ARHGAP24: variants seen among roughly 807,000 people sequenced by gnomAD.
ARHGAP24 encodes the protein rho GTPase-activating protein 24.
In ARHGAP24, 50 loss-of-function variants were observed where a neutral mutation model predicts 76.4. The observed-to-expected ratio is 0.65, with a 90% CI of 0.52 to 0.83. The LOEUF (loss-of-function observed/expected upper bound fraction) is 0.83, where lower values mean the gene tolerates loss of function less well. ARHGAP24 is among the 40% of genes least tolerant of loss of function. The pLI is 0.00. For missense variants in ARHGAP24, 930 were observed against 914.2 expected, an observed-to-expected ratio of 1.02 and a Z score of -0.22; for synonymous variants, 345 against 323.3, an observed-to-expected ratio of 1.07 and a Z score of -0.72.
chr4:86,000,257 G>A (rs1740932209), intron 9 of ARHGAP24: 1 of 429,562 alleles, frequency 2.3e-6, no homozygotes, highest in Non-Finnish European at 4.3e-6. Context: ...GAGAGGCCTT[G>A]GGACCTAATG....
At chr4:85,951,422 T>A (rs72660138) in intron 5 of ARHGAP24, among the ~76,000 whole-genome samples, 1,634 of 152,238 alleles carry the variant, frequency 0.011, 8 homozygotes, top group Non-Finnish European at 0.016. Flanking sequence ...CATTGGGATG[T>A]GGAGACAAAC....
intron 2 of ARHGAP24, among the ~76,000 whole-genome samples, chr4:85,719,143 A>G (rs977736964): frequency 6.6e-6 from 1 of 152,216 alleles, no homozygotes; most frequent in Admixed American, 6.6e-5. Flanking sequence ...AATTATTTTT[A>G]CCACATTATG....
chr4:85,783,111 G>A (rs989559400), intron 3 of ARHGAP24, among the ~76,000 whole-genome samples: 2 of 152,062 alleles, frequency 1.3e-5, no homozygotes, highest in Admixed American at 6.6e-5. Context: ...AAAAAGCATC[G>A]GGTATCTACA....
In ARHGAP24 at chr4:85,904,295, A is replaced by AAG. The variant is rs140388595; in HGVS notation, c.269-19338_269-19337dup. On this transcript the variant is annotated intron_variant, in intron 3 of 9. Transcript: ENST00000395184. ...CAGTTCACATGGTGAAAGCAGGAGC[A>AAG]AGAGAGAGAGAGAGAGTGGGGGATG... Among the ~76,000 whole-genome samples, 4 of 150,548 alleles carry AAG rather than the reference A, an allele frequency of 2.7e-5. No individual in the cohort carries two copies. In the South Asian group the frequency reaches 6.3e-4, roughly 24 times the overall value.
At chr4:85,778,775 C>T (rs936495734) in intron 3 of ARHGAP24, 2 of 985,116 alleles carry the variant, frequency 2.0e-6, no homozygotes, top group Non-Finnish European at 2.4e-6. Flanking sequence ...AGTTTATATC[C>T]CCTTCTACAA....
chr4:85,639,281 AT>A (rs1414541048), intron 2 of ARHGAP24, among the ~76,000 whole-genome samples: 2 of 152,086 alleles, frequency 1.3e-5, no homozygotes, highest in African/African-American at 4.8e-5. Flanking sequence ...ACTTCAGTAA[AT>A]TTTTTGTATT....
At chr4:85,647,427 C>T (rs1721765229) in intron 2 of ARHGAP24, among the ~76,000 whole-genome samples, 1 of 152,014 alleles carries the variant, frequency 6.6e-6, no homozygotes. Flanking sequence ...TGATCTACCT[C>T]CATGGTCACC....
intron 1 of ARHGAP24, among the ~76,000 whole-genome samples, chr4:85,528,389 T>A (rs1309680827): frequency 1.3e-5 from 2 of 152,086 alleles, no homozygotes; most frequent in East Asian, 3.9e-4. Flanking sequence ...CCACTGGAGT[T>A]TTTTAAGGAG....
chr4:85,477,819 G>A (rs1444192080), intron 1 of ARHGAP24, among the ~76,000 whole-genome samples: 2 of 152,184 alleles, frequency 1.3e-5, no homozygotes, highest in African/African-American at 4.8e-5. Flanking sequence ...GAAAGCAAGC[G>A]GTGCTACTGT....
intron 3 of ARHGAP24, among the ~76,000 whole-genome samples, chr4:85,913,438 T>A (rs1735196445): frequency 6.6e-6 from 1 of 152,046 alleles, no homozygotes; most frequent in African/African-American, 2.4e-5. Context: ...TTTGACTTGA[T>A]GATCTCCATT....
rs912226976 is a variant in ARHGAP24 at position 85,721,830 on chromosome 4, A to T, written c.181-55A>T. ...TGGATATTCACTGATTATAATGATG[A>T]TATATGATGTTTGCTCTCTGATGAT... On this transcript the variant is annotated intron_variant, in intron 2 of 9. Transcript: ENST00000395184. 2.1e-6 allele frequency: 3 copies of T among 1,417,004 alleles called. No individual in the cohort carries two copies. The African/African-American group carries it at 4.2e-5, about 20-fold the overall frequency. The allele number at this position is 1,417,004 out of a possible 1,614,324, so 87.8% of individuals were successfully genotyped here. A position where few individuals can be genotyped will look rare whatever the true frequency, so the allele number is the denominator to read the frequency against.
At chr4:85,872,406 C>T (rs1025695389) in intron 3 of ARHGAP24, among the ~76,000 whole-genome samples, 155 of 151,610 alleles carry the variant, frequency 1.0e-3, no homozygotes, top group African/African-American at 3.7e-3. Context: ...AAGCAATTCT[C>T]CTGCCTCAGC....
intron 3 of ARHGAP24, among the ~76,000 whole-genome samples, chr4:85,780,450 A>G (rs13120199): frequency 0.95 from 145,241 of 152,186 alleles, 69,668 homozygotes; most frequent in East Asian, 1. Flanking sequence ...GGGATTACAA[A>G]CGTGAGCCAC....
chr4:85,627,739 G>T (rs1324288546), intron 2 of ARHGAP24, among the ~76,000 whole-genome samples: 1 of 152,202 alleles, frequency 6.6e-6, no homozygotes, highest in Non-Finnish European at 1.5e-5. Flanking sequence ...TTCCCCGGCT[G>T]CTCTGTTTAC....
intron 2 of ARHGAP24, among the ~76,000 whole-genome samples, chr4:85,661,678 C>G (rs190721156): frequency 6.6e-6 from 1 of 151,978 alleles, no homozygotes; most frequent in Non-Finnish European, 1.5e-5. Context: ...TTCCCCCACC[C>G]CACAACAGTC....
At chr4:85,793,330 G>A (rs772489230) in intron 3 of ARHGAP24, among the ~76,000 whole-genome samples, 2 of 152,116 alleles carry the variant, frequency 1.3e-5, no homozygotes, top group Non-Finnish European at 2.9e-5. Flanking sequence ...ACAAAGTTAA[G>A]CATGTCTTTT....
intron 1 of ARHGAP24, among the ~76,000 whole-genome samples, chr4:85,478,505 G>T (rs1049241749): frequency 6.6e-6 from 1 of 152,158 alleles, no homozygotes; most frequent in East Asian, 1.9e-4. Context: ...GTACATTTGT[G>T]CAAAAAAGCA....
At chr4:85,566,307 G>A (rs571775409) in intron 1 of ARHGAP24, among the ~76,000 whole-genome samples, 20 of 152,178 alleles carry the variant, frequency 1.3e-4, no homozygotes, top group Non-Finnish European at 2.5e-4. Flanking sequence ...CATTCTCTGA[G>A]AATTTGAGTG....
At chr4:85,797,518 A>G (rs752219369) in intron 3 of ARHGAP24, among the ~76,000 whole-genome samples, 2 of 152,230 alleles carry the variant, frequency 1.3e-5, no homozygotes, top group Non-Finnish European at 2.9e-5. Flanking sequence ...TTCACAGAGC[A>G]GGCAAAAGGA....
Sources: gnomAD v4.1 joint callset for allele counts (sites outside exome capture counted in the v4.1 genomes callset) on GRCh38, gnomAD v4.1.1 for gene constraint, MANE v1.5 for transcripts, NCBI Gene and HGNC (gene_info 2026-07-23, HGNC 2026-07-21) for gene names.